Variants in MALT1 observed in about 807,000 individuals in gnomAD.
The protein encoded by MALT1 is mucosa-associated lymphoid tissue lymphoma translocation protein 1.
Under a neutral mutation model 85.5 loss-of-function variants are expected in MALT1, and 36 were observed. That is an observed-to-expected ratio of 0.42 (90% CI 0.32 to 0.56). The LOEUF is 0.56. Among genes scored for constraint, MALT1 ranks in the 20% least tolerant of loss-of-function variants. The pLI, the probability that MALT1 is intolerant of heterozygous loss-of-function variation, is 0.10. For missense variants in MALT1, 716 were observed against 981.6 expected (o/e 0.73, Z 3.62); for synonymous variants, 359 against 361.3 (o/e 0.99, Z 0.07).
At chr18:58,710,391 A>G (rs2054815665) in intron 6 of MALT1, among the ~76,000 whole-genome samples, 1 of 152,162 alleles carries the variant, frequency 6.6e-6, no homozygotes, top group African/African-American at 2.4e-5. Flanking sequence ...ATTCAGTGGG[A>G]AAAGATTTTT....
chr18:58,671,714 C>T lies in MALT1; in HGVS notation c.71C>T (p.Pro24Leu), dbSNP rs1172405267. The change falls in exon 1 of 17, where the codon CCT (proline) becomes CTT (leucine). Residue 24 changes from proline (P) to leucine (L), a missense_variant. Physicochemically the swap from Pro to Leu is moderately conservative, Grantham distance 98. Coordinates refer to ENST00000649217, the MANE Select transcript of MALT1 (RefSeq NM_006785.4). ...GCCCCCACGGGGCCGCTGCTCGCCC[C>T]TCCGGCCGGCGCGACCCTCAACCGC... is the stretch of plus-strand genomic sequence containing the variant. The part of the protein sequence containing the change: ...SAAPTGPLLA[P>L]PAGATLNRLR... 16 of 1,275,656 alleles carry T rather than the reference C, an allele frequency of 1.3e-5. No individual in the cohort carries two copies. The highest frequency in any genetic ancestry group is 1.4e-5 in the Non-Finnish European group (14 of 1,011,192). 79.0% of individuals were successfully genotyped at this position (1,275,656 alleles called of 1,614,324 possible).
In MALT1 at chr18:58,696,413, C is replaced by G. The variant is rs752367884; in HGVS notation, c.424C>G (p.Gln142Glu). 6.4e-7 allele frequency: 1 copy of G among 1,567,790 alleles called. No individual in the cohort carries two copies. The highest frequency in any genetic ancestry group is 8.6e-7 in the Non-Finnish European group (1 of 1,158,586). The change falls in exon 3 of 17, where the codon CAG becomes GAG. Residue 142 changes from glutamine (Q) to glutamate (E), a missense_variant. Coordinates refer to ENST00000649217, the MANE Select transcript of MALT1 (RefSeq NM_006785.4). ...AGAGTCAAAGGCAGTCTTGGCTGGA[C>G]AGTTTGTGAAACTGTGTTGCCGGGC... ...NPESKAVLAG[Q>E]FVKLCCRATG...
At chr18:58,701,658 G>C (rs1465913956) in intron 4 of MALT1, among the ~76,000 whole-genome samples, 1 of 152,198 alleles carries the variant, frequency 6.6e-6, no homozygotes, top group Non-Finnish European at 1.5e-5. Context: ...AAGCATGAGA[G>C]AGAGCCCCTG....
intron 9 of MALT1, among the ~76,000 whole-genome samples, chr18:58,721,591 T>G (rs187864402): frequency 6.6e-6 from 1 of 152,320 alleles, no homozygotes; most frequent in East Asian, 1.9e-4. Flanking sequence ...CTGAGGCTTT[T>G]CACAAAGTAG....
rs769025149 is a variant in MALT1 at position 58,734,381 on chromosome 18, C to T, written c.1475C>T (p.Thr492Met). 1.9e-6 allele frequency: 3 copies of T among 1,609,532 alleles called. No individual in the cohort carries two copies. The highest frequency in any genetic ancestry group is 1.1e-5 in the South Asian group (1 of 90,974). ...GCCAATATTGTGTTTGGATATGCCA[C>T]GTAAGAACATTTGATGTTTACGTTG... ...VTANIVFGYA[T>M]CQGAEAFEIQ... Residue 492 changes from threonine (T) to methionine (M), a missense_variant and splice_region_variant, in exon 12 of 17, where the codon ACG becomes ATG. Coordinates refer to ENST00000649217, the MANE Select transcript of MALT1 (RefSeq NM_006785.4).
chr18:58,696,568 A>C, intron 3 of MALT1, 81 bp downstream of exon 3: 1 of 1,157,964 alleles, frequency 8.6e-7, no homozygotes, highest in Non-Finnish European at 1.2e-6. Flanking sequence ...TCCTAAATGT[A>C]GTTTTAACAG....
intron 1 of MALT1, chr18:58,673,887 G>A (rs935263824): frequency 2.0e-4 from 31 of 151,988 alleles, no homozygotes; most frequent in Non-Finnish European, 3.5e-4. Flanking sequence ...GCCTAGCAGA[G>A]AAGTGGCATA....
At chr18:58,731,517 C>T (rs1490239589) in intron 10 of MALT1, among the ~76,000 whole-genome samples, 2 of 152,204 alleles carry the variant, frequency 1.3e-5, no homozygotes, top group Non-Finnish European at 1.5e-5. Context: ...AGGCTAGTCT[C>T]TTTTCTGTTA....
intron 7 of MALT1, among the ~76,000 whole-genome samples, 199 bp downstream of exon 7, chr18:58,711,152 ATAAC>A (rs1419297282): frequency 6.6e-6 from 1 of 152,266 alleles, no homozygotes; most frequent in African/African-American, 2.4e-5. Flanking sequence ...CAGTATTACA[ATAAC>A]TAATCTTCAG....
At chr18:58,745,336 G>A (rs1022495161) in intron 15 of MALT1, among the ~76,000 whole-genome samples, 6 of 152,188 alleles carry the variant, frequency 3.9e-5, no homozygotes, top group Non-Finnish European at 5.9e-5. Flanking sequence ...ATTAAGAGGA[G>A]AGAATCCAGG....
intron 10 of MALT1, among the ~76,000 whole-genome samples, chr18:58,725,921 C>T (rs182353728): frequency 4.9e-4 from 74 of 152,112 alleles, no homozygotes; most frequent in African/African-American, 1.6e-3. Flanking sequence ...ATTAGCCCAG[C>T]GTGATGGTGG....
intron 10 of MALT1, among the ~76,000 whole-genome samples, chr18:58,724,618 G>A (rs117820262): frequency 3.5e-4 from 54 of 152,252 alleles, no homozygotes; most frequent in East Asian, 1.7e-3. Context: ...TACACCTTAC[G>A]TCATGAGGGG....
At chr18:58,738,789 CTG>C (rs35316552) in intron 13 of MALT1, among the ~76,000 whole-genome samples, 32 of 125,148 alleles carry the variant, frequency 2.6e-4, no homozygotes, top group East Asian at 1.3e-3. Flanking sequence ...GTGCATTCTT[CTG>C]TGTGTGTGTG....
chr18:58,696,306 A>C (rs2054586373), intron 2 of MALT1, 60 bp from the exon 3 acceptor site: 1 of 1,290,026 alleles, frequency 7.8e-7, no homozygotes, highest in Non-Finnish European at 1.0e-6. Flanking sequence ...TTTCAGATGT[A>C]TAAACAAGGA....
chr18:58,701,118 T>C (rs375742274), intron 4 of MALT1, among the ~76,000 whole-genome samples: 7 of 147,158 alleles, frequency 4.8e-5, no homozygotes, highest in South Asian at 2.3e-4. Flanking sequence ...TCTGTGTGTG[T>C]GCGCGCACGT....
At chr18:58,703,472 CAG>C (rs973035733) in intron 4 of MALT1, among the ~76,000 whole-genome samples, 14 of 152,278 alleles carry the variant, frequency 9.2e-5, no homozygotes, top group African/African-American at 3.1e-4. Flanking sequence ...AATTTATAAA[CAG>C]AAGAGTTTTA....
chr18:58,692,445 C>CT lies in MALT1; in HGVS notation c.377-3921_377-3920insT, dbSNP rs1568129469. On this transcript the variant is annotated intron_variant, in intron 2 of 16. Coordinates refer to ENST00000649217, the MANE Select transcript of MALT1 (RefSeq NM_006785.4). Reference sequence around the variant, plus strand: ...CTCTCTCTCTCTCTCTCACTCTCTCCCTCCCTCCCTCCCTCCCTCCCTGTC... The same window carrying CT: ...CTCTCTCTCTCTCTCTCACTCTCTCCTCTCCCTCCCTCCCTCCCTCCCTGTC... Among the ~76,000 whole-genome samples the CT allele has an allele frequency of 9.8e-3, 279 of 28,386 alleles. 11 individuals carry two copies. The highest frequency in any genetic ancestry group is 0.023 in the East Asian group (35 of 1,494). The allele number at this position is 28,386 out of a possible 152,430, so 18.6% of individuals were successfully genotyped here.
chr18:58,700,429 ATTCT>A lies in MALT1; in HGVS notation c.499-8_499-5del, dbSNP rs756815958. The A allele has an allele frequency of 4.4e-6, 7 of 1,581,676 alleles. No individual in the cohort carries two copies. The African/African-American group carries it at 6.9e-5, about 16-fold the overall frequency. ...GATGAGTCATCCACTTCTCTTATTG[ATTCT>A]TTCACAGATTCCAAATGGAAATACA... On this transcript the variant is annotated splice_polypyrimidine_tract_variant and splice_region_variant and intron_variant, in intron 3 of 16. Coordinates refer to ENST00000649217, the MANE Select transcript of MALT1 (RefSeq NM_006785.4).
rs2144496102 is a variant in MALT1 at position 58,748,084 on chromosome 18, G to GTATGTTTATATGTA, written c.*246_*259dup. The stretch of plus-strand genomic sequence containing the variant: ...CTATACAAATGAAGTATGGAGGTGT[G>GTATGTTTATATGTA]TATGTTTATATGTATATAACAAAAT... On this transcript the variant is annotated 3_prime_UTR_variant, in exon 17 of 17. Transcript: ENST00000649217. 3 of 489,488 alleles carry GTATGTTTATATGTA rather than the reference G, an allele frequency of 6.1e-6. No homozygotes were observed. The East Asian group carries it at 1.1e-4, about 17-fold the overall frequency. The allele number at this position is 489,488 out of a possible 1,614,324, so 30.3% of individuals were successfully genotyped here.
Sources: allele counts gnomAD v4.1 joint callset (sites outside exome capture counted in the v4.1 genomes callset), GRCh38; gene constraint gnomAD v4.1.1; transcripts MANE v1.5; gene names NCBI Gene and HGNC (gene_info 2026-07-23, HGNC 2026-07-21).